Variants in FNBP1 observed in about 807,000 individuals in gnomAD.
FNBP1 encodes formin binding protein 1.
FNBP1 carries 26 observed loss-of-function variants against 90.6 expected under a neutral mutation model. The observed-to-expected ratio is 0.29, with a 90% confidence interval of 0.21 to 0.40. The LOEUF is 0.40. Ranked by LOEUF, FNBP1 falls within the 10% of genes least tolerant of loss-of-function variation. The probability of loss-of-function intolerance (pLI) is 1.00; values close to 1 mark genes in which losing one functional copy is unlikely to be tolerated. For synonymous variants in FNBP1, 260 were observed against 265.2 expected, an observed-to-expected ratio of 0.98 and a Z score of 0.19; for missense variants, 635 against 768.0, an observed-to-expected ratio of 0.83 and a Z score of 2.05.
intron 1 of FNBP1, among the ~76,000 whole-genome samples, chr9:130,036,874 T>A (rs977166149): frequency 1.3e-5 from 2 of 151,122 alleles, no homozygotes; most frequent in African/African-American, 4.9e-5. Flanking sequence ...TGAAACCCCA[T>A]CTCTACTAAA....
intron 12 of FNBP1, among the ~76,000 whole-genome samples, chr9:129,904,042 A>G (rs9657683): frequency 0.56 from 85,418 of 151,978 alleles, 24,303 homozygotes; most frequent in East Asian, 0.78. Flanking sequence ...ATCTCAAACA[A>G]AACAAAACAA....
intron 1 of FNBP1, among the ~76,000 whole-genome samples, chr9:130,032,902 T>C (rs867580546): frequency 1.3e-5 from 2 of 152,184 alleles, no homozygotes; most frequent in African/African-American, 4.8e-5. Context: ...AACATGCTAT[T>C]AATATGACCT....
intron 9 of FNBP1, 50 bp downstream of exon 9, chr9:129,924,910 G>A: frequency 6.8e-7 from 1 of 1,481,272 alleles, no homozygotes; most frequent in Non-Finnish European, 9.2e-7. Flanking sequence ...AAAAGATCAA[G>A]TCAAAATCTC....
At chr9:130,052,913 G>A in the FNBP1 span, among the ~76,000 whole-genome samples, 1 of 151,758 alleles carries the variant, frequency 6.6e-6, no homozygotes, top group Admixed American at 6.6e-5. Flanking sequence ...TCAGGAGTTC[G>A]AGACCAGCCT....
rs2059973331 is a variant in FNBP1 at position 130,042,921 on chromosome 9, C to T, written c.24+31G>A. 8.1e-7 allele frequency: 1 copy of T among 1,227,800 alleles called. No individual in the cohort carries two copies. The highest frequency in any genetic ancestry group is 1.0e-6 in the Non-Finnish European group (1 of 983,282). 76.1% of individuals were successfully genotyped at this position (1,227,800 alleles called of 1,614,324 possible). A position where few individuals can be genotyped will look rare whatever the true frequency, so the allele number is the denominator to read the frequency against. The stretch of plus-strand genomic sequence containing the variant: ...GCGGGGAAACGCAGCGCGCGCCCCG[C>T]ATCTGCCCGCGGGCCCAGCCCCTCA... On this transcript the variant is annotated intron_variant, in intron 1 of 16. Coordinates refer to ENST00000446176, the MANE Select transcript of FNBP1 (RefSeq NM_015033.3). The surrounding 1 kb of genome is among the most constrained non-coding windows in gnomAD (Gnocchi z 5.5).
At chr9:129,954,984 A>C (rs2046697377) in intron 6 of FNBP1, among the ~76,000 whole-genome samples, 1 of 151,228 alleles carries the variant, frequency 6.6e-6, no homozygotes, top group South Asian at 2.1e-4. Flanking sequence ...ACAAGAGTGA[A>C]ACTTCGTCCC....
upstream of FNBP1, among the ~76,000 whole-genome samples, chr9:130,045,307 C>T (rs1000402075): frequency 6.6e-6 from 1 of 152,164 alleles, no homozygotes; most frequent in African/African-American, 2.4e-5. Context: ...GTTTAGTCTG[C>T]TAAAATTTGG....
At chr9:130,050,359 C>T in the FNBP1 span, among the ~76,000 whole-genome samples, 5 of 152,082 alleles carry the variant, frequency 3.3e-5, no homozygotes, top group East Asian at 1.9e-4. Context: ...ACACTAGGGT[C>T]GTCAGGTTGA....
chr9:129,912,557 G>A (rs1302687568), intron 11 of FNBP1, among the ~76,000 whole-genome samples: 7 of 151,868 alleles, frequency 4.6e-5, no homozygotes, highest in Non-Finnish European at 1.0e-4. Flanking sequence ...GCGTGGTGGC[G>A]CCCGTCTGTA....
intron 1 of FNBP1, among the ~76,000 whole-genome samples, chr9:130,015,847 G>A (rs1487435678): frequency 1.3e-5 from 2 of 152,064 alleles, no homozygotes; most frequent in Non-Finnish European, 2.9e-5. Flanking sequence ...GCTAATTTTT[G>A]TATCTTTTGT....
At chr9:129,916,132 G>T in intron 10 of FNBP1, 152 bp from the exon 11 acceptor site, 1 of 624,236 alleles carries the variant, frequency 1.6e-6, no homozygotes, top group South Asian at 1.9e-5. Context: ...TTATAAAAAT[G>T]ACTTGTAGCA....
At position 129,946,028 on chromosome 9, in the gene FNBP1, G is replaced by A. The variant is rs894901123; in HGVS notation, c.513+11332C>T. On this transcript the variant is annotated intron_variant, in intron 6 of 16. Coordinates refer to ENST00000446176, the MANE Select transcript of FNBP1 (RefSeq NM_015033.3). ...ACTAAAAATACAAAAAATTAGCCGGGTGTAGTGGCGTACGCCTGTAGTCCC... is the reference window on the plus strand; with the variant it reads ...ACTAAAAATACAAAAAATTAGCCGGATGTAGTGGCGTACGCCTGTAGTCCC... Among the ~76,000 whole-genome samples the A allele has an allele frequency of 2.2e-4, 33 of 152,040 alleles. 1 individual carries two copies. The highest frequency in any genetic ancestry group is 1.5e-5 in the Non-Finnish European group (1 of 68,014).
intron 1 of FNBP1, among the ~76,000 whole-genome samples, chr9:130,029,692 T>G (rs2058640016): frequency 6.6e-6 from 1 of 152,068 alleles, no homozygotes; most frequent in Non-Finnish European, 1.5e-5. Context: ...AATGACAGAT[T>G]CTTATAAACG....
chr9:130,044,178 C>A (rs979832057), upstream of FNBP1, among the ~76,000 whole-genome samples: 2 of 152,218 alleles, frequency 1.3e-5, no homozygotes, highest in Admixed American at 6.5e-5. Flanking sequence ...CACAGCTTAT[C>A]TTTCTCCCTC....
At chr9:130,009,757 G>A (rs146852980) in intron 1 of FNBP1, among the ~76,000 whole-genome samples, 1,697 of 152,202 alleles carry the variant, frequency 0.011, 21 homozygotes, top group Middle Eastern at 0.055. Flanking sequence ...AGCCGAGATC[G>A]TGCCACTGCA....
chr9:129,968,794 T>C (rs545586270), intron 4 of FNBP1, among the ~76,000 whole-genome samples: 1 of 152,334 alleles, frequency 6.6e-6, no homozygotes, highest in African/African-American at 2.4e-5. Flanking sequence ...ATTGTATAAT[T>C]GTTTCCTCTA....
chr9:130,048,058 G>A (rs1156559357), upstream of FNBP1, among the ~76,000 whole-genome samples: 1 of 151,720 alleles, frequency 6.6e-6, no homozygotes, highest in Admixed American at 6.6e-5. Flanking sequence ...AGTGGCTCAC[G>A]CCTGTAATCC....
intron 10 of FNBP1, among the ~76,000 whole-genome samples, chr9:129,917,479 C>A (rs1012756927): frequency 2.0e-5 from 3 of 151,954 alleles, no homozygotes. Context: ...ACTATAGGTA[C>A]GTGCCACCAC....
chr9:129,980,137 A>G (rs2050956394), intron 2 of FNBP1, among the ~76,000 whole-genome samples: 1 of 151,284 alleles, frequency 6.6e-6, no homozygotes, highest in African/African-American at 2.4e-5. Context: ...TGGCAGACAG[A>G]TCACCTGAGG....
Sources: allele counts gnomAD v4.1 joint callset (sites outside exome capture counted in the v4.1 genomes callset), GRCh38; gene constraint gnomAD v4.1.1; non-coding constraint Gnocchi (gnomAD v3.1); transcripts MANE v1.5; gene names NCBI Gene and HGNC (gene_info 2026-07-23, HGNC 2026-07-21).